Variants in CEP63 observed in about 807,000 individuals in gnomAD.
CEP63 encodes the protein centrosomal protein of 63 kDa.
In CEP63, 84 loss-of-function variants were observed where a neutral mutation model predicts 89.1. The observed-to-expected ratio is 0.94, with a 90% CI of 0.79 to 1.13. The LOEUF (loss-of-function observed/expected upper bound fraction) is 1.13. Among genes scored for constraint, CEP63 ranks in the 50% most tolerant of loss-of-function variants. CEP63 has a pLI of 0.00. For missense variants in CEP63, 838 were observed against 813.3 expected (o/e 1.03, Z -0.37); for synonymous variants, 267 against 272.5 (o/e 0.98, Z 0.20).
chr3:134,702,652 G>A, the CEP63 span, among the ~76,000 whole-genome samples: 1 of 152,008 alleles, frequency 6.6e-6, no homozygotes, highest in African/African-American at 2.4e-5. Flanking sequence ...TTAAAAAGTG[G>A]GCAAAGGACA....
At chr3:134,485,991 G>GGCGCCCCCCC, upstream of CEP63, 1 of 938,170 alleles carries the variant, frequency 1.1e-6, no homozygotes, top group Non-Finnish European at 1.3e-6. Context: ...CTCCTGCCAC[G>GGCGCCCCCCC]CCCCCCCCCC....
At chr3:134,643,281 G>A in the CEP63 span, 1 of 1,604,892 alleles carries the variant, frequency 6.2e-7, no homozygotes, top group Non-Finnish European at 8.5e-7. Context: ...GCACACCTCT[G>A]CAGGGGAGGT....
the CEP63 span, among the ~76,000 whole-genome samples, chr3:134,728,776 T>TA: frequency 2.9e-4 from 44 of 152,232 alleles, no homozygotes; most frequent in Non-Finnish European, 5.9e-5. Flanking sequence ...TAAAGATTGA[T>TA]AAGCAATATA....
the CEP63 span, among the ~76,000 whole-genome samples, chr3:134,726,201 C>G: frequency 6.6e-6 from 1 of 152,116 alleles, no homozygotes; most frequent in Non-Finnish European, 1.5e-5. Context: ...GAATCTGTCT[C>G]CTTCTTGTTC....
intron 8 of CEP63, 45 bp downstream of exon 8, chr3:134,546,333 T>C (rs752662493): frequency 9.1e-6 from 14 of 1,533,598 alleles, no homozygotes; most frequent in Non-Finnish European, 1.3e-5. Context: ...ACTTAATGAC[T>C]AGGTATTAAG....
the CEP63 span, among the ~76,000 whole-genome samples, chr3:134,613,494 A>C: frequency 3.9e-5 from 6 of 152,134 alleles, no homozygotes; most frequent in Non-Finnish European, 4.4e-5. Context: ...GCCAGGAAAT[A>C]AGGTCACCTC....
chr3:134,561,554 A>C lies in CEP63; in HGVS notation c.*19A>C, dbSNP rs764091070. On this transcript the variant is annotated 3_prime_UTR_variant, in exon 15 of 15. Transcript: ENST00000675561. ...AAAGTAGCCTCTTAAAAAAATCACT[A>C]TCTTGGAAATAAAAATAAACACCAA... 6.9e-6 allele frequency: 11 copies of C among 1,601,960 alleles called. No homozygotes were observed. The highest frequency in any genetic ancestry group is 3.4e-5 in the Admixed American group (2 of 58,348).
At chr3:134,619,309 G>A in the CEP63 span, 1 of 1,480,962 alleles carries the variant, frequency 6.8e-7, no homozygotes, top group Non-Finnish European at 9.4e-7. Flanking sequence ...GAGCCTGGGA[G>A]GCGAGAAGAC....
chr3:134,711,416 G>A, the CEP63 span, among the ~76,000 whole-genome samples: 1 of 152,010 alleles, frequency 6.6e-6, no homozygotes, highest in African/African-American at 2.4e-5. Flanking sequence ...TTCCCTTCAG[G>A]CCTTCTGCAT....
At chr3:134,568,123 A>G (rs376481204), downstream of CEP63, among the ~76,000 whole-genome samples, 9 of 152,268 alleles carry the variant, frequency 5.9e-5, no homozygotes, top group East Asian at 1.4e-3. Context: ...TGGAGTGGCT[A>G]TCCCTTTGAC....
At chr3:134,676,816 A>T in the CEP63 span, among the ~76,000 whole-genome samples, 1 of 152,168 alleles carries the variant, frequency 6.6e-6, no homozygotes, top group South Asian at 2.1e-4. Flanking sequence ...CGGATTTTCT[A>T]TCGCTTACCC....
chr3:134,653,305 T>C, the CEP63 span, among the ~76,000 whole-genome samples: 4 of 152,206 alleles, frequency 2.6e-5, no homozygotes, highest in Non-Finnish European at 5.9e-5. Flanking sequence ...TCTCCAGACA[T>C]TGACCAATGT....
the CEP63 span, among the ~76,000 whole-genome samples, chr3:134,629,098 A>G: frequency 2.6e-5 from 4 of 152,182 alleles, no homozygotes; most frequent in African/African-American, 9.7e-5. Context: ...GCCTGGGCCT[A>G]TGTGCACTGC....
chr3:134,537,321 T>G (rs904592227), intron 6 of CEP63, 53 bp downstream of exon 6: 1 of 1,105,900 alleles, frequency 9.0e-7, no homozygotes, highest in Non-Finnish European at 1.4e-6. Flanking sequence ...TTGATCAAGT[T>G]TGAACTACCT....
chr3:134,749,363 G>T, the CEP63 span, among the ~76,000 whole-genome samples: 2 of 152,126 alleles, frequency 1.3e-5, no homozygotes, highest in Non-Finnish European at 2.9e-5. Context: ...TCGGATTTTG[G>T]CTGGGGTGGA....
the CEP63 span, among the ~76,000 whole-genome samples, chr3:134,711,323 C>T: frequency 6.6e-6 from 1 of 152,166 alleles, no homozygotes; most frequent in Non-Finnish European, 1.5e-5. Flanking sequence ...TTTACCAAGT[C>T]TCCTTCCTAA....
the CEP63 span, among the ~76,000 whole-genome samples, chr3:134,599,137 C>T: frequency 0.014 from 2,127 of 152,316 alleles, 23 homozygotes; most frequent in South Asian, 0.03. Context: ...CACAGAGACA[C>T]GGCATCACAA....
At chr3:134,537,783 G>A (rs187952135) in intron 6 of CEP63, among the ~76,000 whole-genome samples, 2 of 152,308 alleles carry the variant, frequency 1.3e-5, no homozygotes, top group East Asian at 3.9e-4. Context: ...TGGCCGAAGT[G>A]TCTCAGCTAG....
chr3:134,495,423 G>A, intron 2 of CEP63, 59 bp downstream of exon 2: 1 of 1,073,692 alleles, frequency 9.3e-7, no homozygotes, highest in Non-Finnish European at 1.4e-6. Flanking sequence ...CATATTTATA[G>A]GGTTCACATG....
Sources: allele counts gnomAD v4.1 joint callset (sites outside exome capture counted in the v4.1 genomes callset), GRCh38; gene constraint gnomAD v4.1.1; transcripts MANE v1.5; gene names NCBI Gene and HGNC (gene_info 2026-07-23, HGNC 2026-07-21).